RAB38: variants seen among roughly 807,000 people sequenced by gnomAD.
The protein encoded by RAB38 is RAB38, member RAS oncogene family.
In RAB38, 15 loss-of-function variants were observed where a neutral mutation model predicts 18.4. The ratio of observed to expected loss-of-function variants is 0.82; its 90% confidence interval spans 0.55 to 1.26. RAB38 has a LOEUF of 1.26. Ranked by LOEUF, RAB38 falls within the 50% of genes most tolerant of loss-of-function variation. The probability of loss-of-function intolerance (pLI) is 0.00; values close to 1 mark genes in which losing one functional copy is unlikely to be tolerated. For missense variants in RAB38, 294 were observed against 267.4 expected (o/e 1.10, Z -0.69); for synonymous variants, 101 against 104.4 (o/e 0.97, Z 0.20).
chr11:87,969,125 G>T, the RAB38 span, among the ~76,000 whole-genome samples: 1 of 151,988 alleles, frequency 6.6e-6, no homozygotes, highest in South Asian at 2.1e-4. Flanking sequence ...AGTCTTGGGG[G>T]ACAAGGAAGA....
At chr11:87,803,807 G>A in the RAB38 span, among the ~76,000 whole-genome samples, 1 of 152,176 alleles carries the variant, frequency 6.6e-6, no homozygotes, top group East Asian at 1.9e-4. Context: ...GTGAAAAGGA[G>A]AAGATGGAAG....
chr11:88,174,921 C>T (rs1158340006), intron 1 of RAB38, among the ~76,000 whole-genome samples: 1 of 152,226 alleles, frequency 6.6e-6, no homozygotes, highest in African/African-American at 2.4e-5. Flanking sequence ...TCCTCTGGTT[C>T]CCTGGGGAGG....
At chr11:88,045,738 G>T in the RAB38 span, among the ~76,000 whole-genome samples, 11 of 152,142 alleles carry the variant, frequency 7.2e-5, no homozygotes, top group African/African-American at 2.7e-4. Context: ...TGGAGGTCAA[G>T]TCCGTCCCCT....
At chr11:87,865,899 C>T in the RAB38 span, among the ~76,000 whole-genome samples, 283 of 151,666 alleles carry the variant, frequency 1.9e-3, no homozygotes, top group African/African-American at 6.4e-3. Flanking sequence ...AGCAGATGGC[C>T]CCTAATCTTT....
At chr11:88,090,536 GA>G in the RAB38 span, among the ~76,000 whole-genome samples, 2 of 151,886 alleles carry the variant, frequency 1.3e-5, no homozygotes, top group African/African-American at 4.8e-5. Flanking sequence ...AATGAAATAG[GA>G]CAAAAGAAGT....
the RAB38 span, among the ~76,000 whole-genome samples, chr11:88,093,325 T>A: frequency 6.6e-6 from 1 of 151,808 alleles, no homozygotes; most frequent in South Asian, 2.1e-4. Flanking sequence ...GGCAAATCCA[T>A]AGAGAAAAAT....
At chr11:87,910,633 C>CTTT in the RAB38 span, among the ~76,000 whole-genome samples, 359 of 131,072 alleles carry the variant, frequency 2.7e-3, 36 homozygotes, top group Middle Eastern at 4.0e-3. Context: ...AGTTCATTTT[C>CTTT]TTTTTTTTTT....
the RAB38 span, among the ~76,000 whole-genome samples, chr11:87,943,358 A>G: frequency 6.6e-6 from 1 of 152,082 alleles, no homozygotes; most frequent in East Asian, 1.9e-4. Context: ...TTTTTAAAAA[A>G]CAAGATGACT....
chr11:87,844,476 CAGAT>C, the RAB38 span, among the ~76,000 whole-genome samples: 2 of 152,116 alleles, frequency 1.3e-5, no homozygotes, highest in Admixed American at 1.3e-4. Context: ...AATTGAGGCA[CAGAT>C]AGATTAATTT....
chr11:87,953,812 A>ATGCTTGCCTTT, the RAB38 span, among the ~76,000 whole-genome samples: 8 of 151,000 alleles, frequency 5.3e-5, no homozygotes, highest in Non-Finnish European at 1.0e-4. Context: ...TTCTCTTTAA[A>ATGCTTGCCTTT]TGCTTGCCTT....
At chr11:88,125,266 G>A (rs1360635274) in intron 2 of RAB38, among the ~76,000 whole-genome samples, 1 of 152,060 alleles carries the variant, frequency 6.6e-6, no homozygotes. Flanking sequence ...GGCTACAACT[G>A]AACTCTCCTG....
the RAB38 span, among the ~76,000 whole-genome samples, chr11:87,949,979 T>C: frequency 6.6e-6 from 1 of 152,190 alleles, no homozygotes; most frequent in East Asian, 1.9e-4. Flanking sequence ...TGTCTAATGT[T>C]GACAGTGGGG....
chr11:88,164,621 A>T (rs1220642343), intron 1 of RAB38, among the ~76,000 whole-genome samples: 10 of 85,674 alleles, frequency 1.2e-4, no homozygotes, highest in African/African-American at 4.1e-4. Context: ...TTTTCTTTTA[A>T]TTTATGCGTT....
chr11:87,865,403 C>G, the RAB38 span, among the ~76,000 whole-genome samples: 1 of 151,672 alleles, frequency 6.6e-6, no homozygotes, highest in African/African-American at 2.4e-5. Context: ...AGAGAAGATG[C>G]TATACTCCTG....
chr11:87,945,085 AT>A, the RAB38 span, among the ~76,000 whole-genome samples: 1 of 152,026 alleles, frequency 6.6e-6, no homozygotes, highest in Non-Finnish European at 1.5e-5. Context: ...TAAATTTTAA[AT>A]TTTTCATCTG....
chr11:87,815,718 A>C, the RAB38 span: 2 of 152,216 alleles, frequency 1.3e-5, no homozygotes, highest in African/African-American at 4.8e-5. Flanking sequence ...GTAGGTTTGT[A>C]ATTACTGTAG....
In RAB38 at chr11:88,118,145, C is replaced by G. The variant is rs181550029; in HGVS notation, c.484-4005G>C. On this transcript the variant is annotated intron_variant, in intron 2 of 2. Transcript: ENST00000243662. ...AGCCAAATCCTTATCTCAGCTCCCC[C>G]CCAAATATATCCCAAAATAAATAAA... is the stretch of plus-strand genomic sequence containing the variant. Among the ~76,000 whole-genome samples the G allele has an allele frequency of 2.8e-4, 43 of 152,300 alleles. No individual in the cohort carries two copies. The South Asian group carries it at 7.0e-3, about 25-fold the overall frequency.
chr11:87,900,477 T>C, the RAB38 span, among the ~76,000 whole-genome samples: 2 of 151,682 alleles, frequency 1.3e-5, no homozygotes, highest in East Asian at 3.9e-4. Context: ...ATTAACAAAG[T>C]ATTTGGCAAG....
chr11:87,854,002 A>T, the RAB38 span, among the ~76,000 whole-genome samples: 1 of 152,164 alleles, frequency 6.6e-6, no homozygotes, highest in African/African-American at 2.4e-5. Context: ...CATAGCCAGC[A>T]ATGACAGGTC....
Sources: gnomAD v4.1 joint callset for allele counts (sites outside exome capture counted in the v4.1 genomes callset) on GRCh38, gnomAD v4.1.1 for gene constraint, MANE v1.5 for transcripts, NCBI Gene and HGNC (gene_info 2026-07-23, HGNC 2026-07-21) for gene names.